The following PRIM2 variants were observed in gnomAD, a reference collection of about 807,000 sequenced individuals.
PRIM2 encodes DNA primase large subunit.
PRIM2 carries 39 observed loss-of-function variants against 67.3 expected under a neutral mutation model. The ratio of observed to expected loss-of-function variants is 0.58; its 90% CI spans 0.45 to 0.76. PRIM2 has a LOEUF of 0.76. Among genes scored for constraint, PRIM2 ranks in the 30% least tolerant of loss-of-function variants. The pLI is 0.00. For missense variants in PRIM2, 398 were observed against 598.7 expected (o/e 0.66, Z 3.50); for synonymous variants, 143 against 198.7 (o/e 0.72, Z 2.36).
chr6:57,506,885 C>T (rs1482154505), intron 7 of PRIM2, among the ~76,000 whole-genome samples: 1 of 151,926 alleles, frequency 6.6e-6, no homozygotes, highest in Non-Finnish European at 1.5e-5. Context: ...TAAAAGATAT[C>T]CTTGGTTCCT....
chr6:57,644,309 C>T (rs1403755066), intron 13 of PRIM2, among the ~76,000 whole-genome samples: 8 of 152,004 alleles, frequency 5.3e-5, no homozygotes, highest in Admixed American at 3.9e-4. Flanking sequence ...CCTTTCCCCT[C>T]ATCATCCCAG....
intron 10 of PRIM2, among the ~76,000 whole-genome samples, chr6:57,572,684 C>T (rs1581997080): frequency 6.6e-6 from 1 of 152,180 alleles, no homozygotes; most frequent in Non-Finnish European, 1.5e-5. Flanking sequence ...GAGAGATGTC[C>T]CTGCCATTAC....
chr6:57,577,250 A>G (rs1308544559), intron 10 of PRIM2, among the ~76,000 whole-genome samples: 1 of 152,162 alleles, frequency 6.6e-6, no homozygotes, highest in Non-Finnish European at 1.5e-5. Flanking sequence ...TGAACATGTC[A>G]TAACAAGGTT....
chr6:57,508,860 T>C (rs1774301941), intron 8 of PRIM2, among the ~76,000 whole-genome samples: 1 of 152,212 alleles, frequency 6.6e-6, no homozygotes, highest in East Asian at 1.9e-4. Context: ...TAAAGGATAG[T>C]GACTCTTTGT....
At chr6:57,239,210 C>T in the PRIM2 span, among the ~76,000 whole-genome samples, 2 of 152,078 alleles carry the variant, frequency 1.3e-5, no homozygotes, top group Non-Finnish European at 2.9e-5. Context: ...AGACTGGTCT[C>T]GAACTCCTGA....
chr6:57,299,587 A>G, the PRIM2 span, among the ~76,000 whole-genome samples: 2 of 152,066 alleles, frequency 1.3e-5, no homozygotes, highest in South Asian at 2.1e-4. Flanking sequence ...GCATCCAACA[A>G]TTTTTTGTTA....
chr6:57,386,231 ACAACAACAACAACAG>A lies in PRIM2; in HGVS notation c.693+4078_693+4092del, dbSNP rs1383627166. On this transcript the variant is annotated intron_variant, in intron 7 of 13. Coordinates refer to ENST00000615550, the MANE Select transcript of PRIM2 (RefSeq NM_000947.5). The stretch of plus-strand genomic sequence containing the variant: ...TGAGAATCAGTCTCTACTAAAAACA[ACAACAACAACAACAG>A]CAACAACAACAACAACAACAAAATA... 5.8e-4 allele frequency among the ~76,000 whole-genome samples: 76 copies of A among 131,816 alleles called. 1 individual carries two copies. In the Admixed American group the frequency reaches 5.9e-3, roughly 10 times the overall value. 86.5% of individuals were successfully genotyped at this position (131,816 alleles called of 152,430 possible). A position where few individuals can be genotyped will look rare whatever the true frequency, so the allele number is the denominator to read the frequency against.
intron 10 of PRIM2, among the ~76,000 whole-genome samples, chr6:57,586,806 C>CAG (rs1268416804): frequency 1.3e-5 from 2 of 152,056 alleles, no homozygotes; most frequent in African/African-American, 4.8e-5. Flanking sequence ...AAGGAAAAGG[C>CAG]AGAGCTGGGG....
rs1298087593 is a variant in PRIM2 at position 57,594,443 on chromosome 6, G to A, written c.1021-6650G>A. ...TATTGTAATCAAGACTGTGTTATTGGCAAAAGGACAGACATATAGATCAGT... is the reference window on the plus strand; with the variant it reads ...TATTGTAATCAAGACTGTGTTATTGACAAAAGGACAGACATATAGATCAGT... On this transcript the variant is annotated intron_variant, in intron 10 of 13. Transcript: ENST00000615550. Among the ~76,000 whole-genome samples the A allele has an allele frequency of 2.8e-4, 42 of 152,304 alleles. 1 individual carries two copies. The highest frequency in any genetic ancestry group is 2.2e-3 in the Admixed American group (33 of 15,292).
intron 10 of PRIM2, chr6:57,586,923 G>C (rs1429497930): frequency 3.3e-5 from 5 of 152,188 alleles, no homozygotes; most frequent in Non-Finnish European, 7.3e-5. Flanking sequence ...GCAATCATCA[G>C]TCTATGAGAA....
chr6:57,547,394 C>G (rs1775310650), intron 10 of PRIM2, among the ~76,000 whole-genome samples: 1 of 152,180 alleles, frequency 6.6e-6, no homozygotes, highest in Admixed American at 6.5e-5. Context: ...CTCCCTTCCA[C>G]TTCTAGTAGT....
chr6:57,638,920 A>G (rs1307797123), intron 13 of PRIM2, among the ~76,000 whole-genome samples: 33 of 152,308 alleles, frequency 2.2e-4, no homozygotes, highest in Non-Finnish European at 4.0e-4. Context: ...ATAGACATCT[A>G]CAGAACTCTC....
intron 7 of PRIM2, among the ~76,000 whole-genome samples, chr6:57,429,413 G>A (rs1771746573): frequency 6.6e-6 from 1 of 152,120 alleles, no homozygotes; most frequent in Non-Finnish European, 1.5e-5. Flanking sequence ...TTATTAGCAG[G>A]ATTCTTGCTG....
the PRIM2 span, among the ~76,000 whole-genome samples, chr6:57,308,323 G>C: frequency 6.6e-6 from 1 of 151,922 alleles, no homozygotes; most frequent in African/African-American, 2.4e-5. Context: ...GGGTTTCACC[G>C]TGTTGCTCAG....
the PRIM2 span, among the ~76,000 whole-genome samples, chr6:57,266,352 C>T: frequency 1.4e-4 from 22 of 152,204 alleles, no homozygotes; most frequent in African/African-American, 4.8e-4. Flanking sequence ...AGGAAACAAA[C>T]CCAGACGGCC....
intron 12 of PRIM2, among the ~76,000 whole-genome samples, chr6:57,631,496 T>C (rs1210342310): frequency 1.3e-5 from 2 of 152,124 alleles, no homozygotes; most frequent in East Asian, 3.8e-4. Flanking sequence ...TTACAAAAGA[T>C]AGGATGATGT....
the PRIM2 span, among the ~76,000 whole-genome samples, chr6:57,299,294 A>C: frequency 6.6e-6 from 1 of 152,204 alleles, no homozygotes; most frequent in Non-Finnish European, 1.5e-5. Flanking sequence ...TGATAAAATA[A>C]AAAAAATCTC....
chr6:57,264,743 C>T, the PRIM2 span, among the ~76,000 whole-genome samples: 1 of 151,918 alleles, frequency 6.6e-6, no homozygotes, highest in Non-Finnish European at 1.5e-5. Flanking sequence ...ACTACAGGTG[C>T]GCCCCACCAA....
At chr6:57,642,440 T>TTTTTTTTTC (rs1777257788) in intron 13 of PRIM2, among the ~76,000 whole-genome samples, 1 of 99,880 alleles carries the variant, frequency 1.0e-5, no homozygotes, top group Non-Finnish European at 2.2e-5. Context: ...TATATCTTTT[T>TTTTTTTTTC]TTTTTTTTTT....
Sources: gnomAD v4.1 joint callset for allele counts (sites outside exome capture counted in the v4.1 genomes callset) on GRCh38, gnomAD v4.1.1 for gene constraint, MANE v1.5 for transcripts, NCBI Gene and HGNC (gene_info 2026-07-23, HGNC 2026-07-21) for gene names.